LZTS3: variants seen among roughly 807,000 people sequenced by gnomAD.
LZTS3 encodes leucine zipper tumor suppressor family member 3, also known as leucine zipper putative tumor suppressor 3.
LZTS3 carries 16 observed loss-of-function variants against 50.9 expected under a neutral mutation model. The observed-to-expected ratio is 0.31, with a 90% CI of 0.21 to 0.48. The LOEUF (loss-of-function observed/expected upper bound fraction) is 0.48, where lower values mean the gene tolerates loss of function less well. Among genes scored for constraint, LZTS3 ranks in the 20% least tolerant of loss-of-function variants. The probability of loss-of-function intolerance (pLI) is 0.99; values close to 1 mark genes in which losing one functional copy is unlikely to be tolerated. For missense variants in LZTS3, 816 were observed against 931.0 expected (o/e 0.88, Z 1.61); for synonymous variants, 408 against 410.6 (o/e 0.99, Z 0.08).
intron 1 of LZTS3, among the ~76,000 whole-genome samples, chr20:3,170,288 G>A (rs1312890565): frequency 2.6e-5 from 4 of 151,960 alleles, no homozygotes; most frequent in Admixed American, 2.0e-4. Context: ...TCAGGAGTTC[G>A]AGACCAGCCT....
chr20:3,165,284 C>T lies in LZTS3; in HGVS notation c.1324-132G>A, dbSNP rs1600441571. The T allele has an allele frequency of 9.4e-6, 11 of 1,166,892 alleles. No homozygotes were observed. In the East Asian group the frequency reaches 2.3e-4, roughly 25 times the overall value. 72.3% of individuals were successfully genotyped at this position (1,166,892 alleles called of 1,614,324 possible). On this transcript the variant is annotated intron_variant, in intron 4 of 4. Coordinates refer to ENST00000337576, the MANE Select transcript of LZTS3 (RefSeq NM_001365618.1). This position sits in a 1 kb window ranked among gnomAD's most constrained non-coding sequence, Gnocchi z 5.0. ...AGGCTCAGCCCCTCATCAGCAGCGACGCACCCGATTCCCTGCCTGGACTCA... is the reference window on the plus strand; with the variant it reads ...AGGCTCAGCCCCTCATCAGCAGCGATGCACCCGATTCCCTGCCTGGACTCA...
chr20:3,165,069 C>T lies in LZTS3; in HGVS notation c.1407G>A (p.Glu469=). The part of the protein sequence containing the change: ...SQADVSQKLS[E]IVGLRSQLRE... ...GCAGCTGCGAGCGCAGTCCCACGATCTCACTCAACTTCTGCGACACATCCG... is the reference window on the plus strand; with the variant it reads ...GCAGCTGCGAGCGCAGTCCCACGATTTCACTCAACTTCTGCGACACATCCG... The change falls in exon 5 of 5, where the codon GAG becomes GAA. Residue 469 remains glutamate (E), a synonymous_variant. Coordinates refer to ENST00000337576, the MANE Select transcript of LZTS3 (RefSeq NM_001365618.1). This position sits in a 1 kb window ranked among gnomAD's most constrained non-coding sequence, Gnocchi z 5.0. 2.5e-6 allele frequency: 4 copies of T among 1,589,308 alleles called. No homozygotes were observed. In the East Asian group the frequency reaches 9.1e-5, roughly 36 times the overall value.
In LZTS3 at chr20:3,164,373, A is replaced by G; in HGVS notation, c.*81T>C. The G allele has an allele frequency of 7.1e-7, 1 of 1,413,118 alleles. No homozygotes were observed. The highest frequency in any genetic ancestry group is 1.5e-5 in the African/African-American group (1 of 67,438). 87.5% of individuals were successfully genotyped at this position (1,413,118 alleles called of 1,614,324 possible). A position where few individuals can be genotyped will look rare whatever the true frequency, so the allele number is the denominator to read the frequency against. On this transcript the variant is annotated 3_prime_UTR_variant, in exon 5 of 5. Transcript: ENST00000337576. ...GTCTGGGGTTATGGGGTCTATGGGG[A>G]AGAGAGATGGAGGGGAGGGGACACT...
chr20:3,170,314 A>AC (rs1466487494), intron 1 of LZTS3, among the ~76,000 whole-genome samples: 5 of 151,248 alleles, frequency 3.3e-5, no homozygotes, highest in Non-Finnish European at 5.9e-5. Context: ...ACGTGGTGAA[A>AC]CCCCGTCTCT....
chr20:3,166,646 C>A, intron 3 of LZTS3, 59 bp downstream of exon 3: 1 of 1,573,894 alleles, frequency 6.4e-7, no homozygotes, highest in Non-Finnish European at 8.7e-7. Flanking sequence ...GCCTTCCTCT[C>A]TGGGTTGCCT....
At chr20:3,173,047 T>C (rs1219640315) in intron 1 of LZTS3, among the ~76,000 whole-genome samples, 1 of 135,474 alleles carries the variant, frequency 7.4e-6, no homozygotes, top group Non-Finnish European at 1.6e-5. Context: ...GAGCTTCTGC[T>C]GGGGGTGGGA....
In LZTS3 at chr20:3,164,339, A is replaced by G. The variant is rs1260584967; in HGVS notation, c.*115T>C. On this transcript the variant is annotated 3_prime_UTR_variant, in exon 5 of 5. Transcript: ENST00000337576. ...GAACCTGGTCACAGCTGCTTAGAGA[A>G]CCTCTTTGGTCTGGGGTTATGGGGT... The G allele has an allele frequency of 8.6e-7, 1 of 1,163,464 alleles. No individual in the cohort carries two copies. Among genetic ancestry groups the G allele is most frequent in the African/African-American group, 1.6e-5 (1 of 61,296 alleles). The allele number at this position is 1,163,464 out of a possible 1,614,324, so 72.1% of individuals were successfully genotyped here.
chr20:3,167,274 A>G (rs1319891891), intron 2 of LZTS3, 93 bp from the exon 3 acceptor site: 1 of 1,408,646 alleles, frequency 7.1e-7, no homozygotes, highest in Non-Finnish European at 9.2e-7. Context: ...TCTGCCCCTC[A>G]GTGTCCCCTT....
chr20:3,165,754 G>T lies in LZTS3; in HGVS notation c.1066C>A (p.Arg356=), dbSNP rs145170533. 2.7e-4 allele frequency: 422 copies of T among 1,576,876 alleles called. 2 individuals carry two copies. In the Middle Eastern group the frequency reaches 6.4e-3, roughly 24 times the overall value. Residue 356 remains arginine (R), a synonymous_variant, in exon 4 of 5, where the codon CGG becomes AGG. Coordinates refer to ENST00000337576, the MANE Select transcript of LZTS3 (RefSeq NM_001365618.1). This position sits in a 1 kb window ranked among gnomAD's most constrained non-coding sequence, Gnocchi z 5.0. The part of the protein sequence containing the change: ...EAAVAQVLEE[R]QKAWERELAE... ...AGCTCCCGCTCCCACGCCTTCTGCC[G>T]CTCCTCCAGTACCTGGGCCACAGCC...
rs2066757704 is a variant in LZTS3, at chr20:3,163,226, C to T, written c.*1228G>A. 1 of 152,656 alleles carries T rather than the reference C, an allele frequency of 6.6e-6. No individual in the cohort carries two copies. Among genetic ancestry groups the T allele is most frequent in the African/African-American group, 2.4e-5 (1 of 41,456 alleles). 9.5% of individuals were successfully genotyped at this position (152,656 alleles called of 1,614,324 possible). A position where few individuals can be genotyped will look rare whatever the true frequency, so the allele number is the denominator to read the frequency against. The stretch of plus-strand genomic sequence containing the variant: ...TGGGGAGATAGACTCTGAGAGGGCC[C>T]CAAGAGAAGCAGCTGACATTGGCTG... On this transcript the variant is annotated 3_prime_UTR_variant, in exon 5 of 5. Transcript: ENST00000337576. This position sits in a 1 kb window ranked among gnomAD's most constrained non-coding sequence, Gnocchi z 5.2.
chr20:3,165,200 G>C lies in LZTS3; in HGVS notation c.1324-48C>G. The C allele has an allele frequency of 2.1e-6, 3 of 1,451,464 alleles. No individual in the cohort carries two copies. Among genetic ancestry groups the C allele is most frequent in the Non-Finnish European group, 2.7e-6 (3 of 1,094,792 alleles). 89.9% of individuals were successfully genotyped at this position (1,451,464 alleles called of 1,614,324 possible). A position where few individuals can be genotyped will look rare whatever the true frequency, so the allele number is the denominator to read the frequency against. On this transcript the variant is annotated intron_variant, in intron 4 of 4. Coordinates refer to ENST00000337576, the MANE Select transcript of LZTS3 (RefSeq NM_001365618.1). This position sits in a 1 kb window ranked among gnomAD's most constrained non-coding sequence, Gnocchi z 5.0. ...AGAAGCCAGGTAAAGGCAGAGCTCT[G>C]CTCACCCCAACCCAGCTACCAGATC...
chr20:3,168,058 A>T, intron 1 of LZTS3, 97 bp from the exon 2 acceptor site: 1 of 53,618 alleles, frequency 1.9e-5, no homozygotes, highest in Non-Finnish European at 3.6e-5. Flanking sequence ...GGTCTGGGGG[A>T]GGGTGGGTAG....
rs570480161 is a variant in LZTS3, at chr20:3,167,094, G to A, written c.70C>T (p.Arg24Trp). The change falls in exon 3 of 5, where the codon CGG becomes TGG. Residue 24 changes from arginine (R) to tryptophan (W), a missense_variant. This residue lies in a region of LZTS3 where 700 missense variants were observed against 769.4 expected (regional missense o/e 0.91). Coordinates refer to ENST00000337576, the MANE Select transcript of LZTS3 (RefSeq NM_001365618.1). ...TCCGGGGGTCCAAGCTCGGAGGGCC[G>A]TGGGGCAAAGGCCAGGAGAGGATCC... ...GRDPLLAFAP[R>W]PSELGPPDPR... 1.8e-5 allele frequency: 28 copies of A among 1,536,706 alleles called. No homozygotes were observed. Among genetic ancestry groups the A allele is most frequent in the Non-Finnish European group, 2.1e-5 (24 of 1,144,562 alleles).
In LZTS3 at chr20:3,164,994, C is replaced by T. The variant is rs1333269559; in HGVS notation, c.1482G>A (p.Leu494=). 1.3e-6 allele frequency: 2 copies of T among 1,557,394 alleles called. No individual in the cohort carries two copies. The highest frequency in any genetic ancestry group is 1.7e-6 in the Non-Finnish European group (2 of 1,154,676). Residue 494 remains leucine, a synonymous_variant, in exon 5 of 5, where the codon CTG becomes CTA. Transcript: ENST00000337576. ...LREKEEQLLS[L]RDSFSSKQAS... is the part of the protein sequence containing the mutation. Reference sequence around the variant, plus strand: ...CCTGCTTGCTGCTGAAGGAGTCCCGCAGGCTGAGCAGCTGCTCCTCCTTCT... The same window carrying T: ...CCTGCTTGCTGCTGAAGGAGTCCCGTAGGCTGAGCAGCTGCTCCTCCTTCT...
Position 3,166,714 on chromosome 20 carries a change from C to T in LZTS3, c.450G>A (p.Lys150=), listed in dbSNP as rs1293130954. The change falls in exon 3 of 5, where the codon AAG becomes AAA. Residue 150 remains lysine (K), a synonymous_variant. Transcript: ENST00000337576. Reference sequence around the variant, plus strand: ...GGCCCTGCGGACTGACCTGGTCTAGCTTGCCAGAGGTGGCCAGGAGCTTGG... The same window carrying T: ...GGCCCTGCGGACTGACCTGGTCTAGTTTGCCAGAGGTGGCCAGGAGCTTGG... ...HPPKLLATSG[K]LDQCSEPLVR... The T allele has an allele frequency of 2.5e-6, 4 of 1,613,356 alleles. No homozygotes were observed. The highest frequency in any genetic ancestry group is 1.7e-4 in the Middle Eastern group (1 of 6,058).
rs764812886 is a variant in LZTS3 at position 3,166,807 on chromosome 20, G to A, written c.357C>T (p.Ser119=). Reference sequence around the variant, plus strand: ...TGCCACCACTGCTGCTGCTGCCTCCGCTGCTGCCAACCACGTTGCCACAGA... The same window carrying A: ...TGCCACCACTGCTGCTGCTGCCTCCACTGCTGCCAACCACGTTGCCACAGA... ...TDVCGNVVGS[S]GGSSSSGGSD... Residue 119 remains serine (S), a synonymous_variant, in exon 3 of 5, where the codon AGC becomes AGT. Coordinates refer to ENST00000337576, the MANE Select transcript of LZTS3 (RefSeq NM_001365618.1). 1.5e-5 allele frequency: 24 copies of A among 1,613,702 alleles called. No individual in the cohort carries two copies. Among genetic ancestry groups the A allele is most frequent in the South Asian group, 5.5e-5 (5 of 91,086 alleles).
chr20:3,165,212 C>T lies in LZTS3; in HGVS notation c.1324-60G>A. 3 of 1,421,266 alleles carry T rather than the reference C, an allele frequency of 2.1e-6. No individual in the cohort carries two copies. The highest frequency in any genetic ancestry group is 2.8e-6 in the Non-Finnish European group (3 of 1,078,144). 88.0% of individuals were successfully genotyped at this position (1,421,266 alleles called of 1,614,324 possible). A position where few individuals can be genotyped will look rare whatever the true frequency, so the allele number is the denominator to read the frequency against. On this transcript the variant is annotated intron_variant, in intron 4 of 4. Coordinates refer to ENST00000337576, the MANE Select transcript of LZTS3 (RefSeq NM_001365618.1). This position sits in a 1 kb window ranked among gnomAD's most constrained non-coding sequence, Gnocchi z 5.0. ...AAGGCAGAGCTCTGCTCACCCCAAC[C>T]CAGCTACCAGATCTGGAGCCAGGGG...
At chr20:3,168,352 A>C in intron 1 of LZTS3, 1 of 52,940 alleles carries the variant, frequency 1.9e-5, no homozygotes, top group South Asian at 7.3e-4. Flanking sequence ...GGGAGGGGGG[A>C]GGGGAGGGGA....
rs1233693206 is a variant in LZTS3, at chr20:3,165,753, C to G, written c.1067G>C (p.Arg356Pro). ...CAGCTCCCGCTCCCACGCCTTCTGC[C>G]GCTCCTCCAGTACCTGGGCCACAGC... ...EAAVAQVLEERQKAWERELAE... is the reference protein window; with the variant it reads ...EAAVAQVLEEPQKAWERELAE... Residue 356 changes from arginine (R) to proline (P), a missense_variant, in exon 4 of 5, where the codon CGG (arginine) becomes CCG (proline). Physicochemically the swap from Arg to Pro is moderately radical, Grantham distance 103. Transcript: ENST00000337576. The surrounding 1 kb of genome is among the most constrained non-coding windows in gnomAD (Gnocchi z 5.0). 2.5e-6 allele frequency: 4 copies of G among 1,576,900 alleles called. No homozygotes were observed. Among genetic ancestry groups the G allele is most frequent in the Admixed American group, 1.8e-5 (1 of 56,006 alleles).
Sources: allele counts gnomAD v4.1 joint callset (sites outside exome capture counted in the v4.1 genomes callset), GRCh38; gene constraint gnomAD v4.1.1; regional missense constraint gnomAD v4.1.1; non-coding constraint Gnocchi (gnomAD v3.1); transcripts MANE v1.5; gene names NCBI Gene and HGNC (gene_info 2026-07-23, HGNC 2026-07-21).